The following UFD1 variants were observed in gnomAD, a reference collection of about 807,000 sequenced individuals.
UFD1 encodes the protein ubiquitin recognition factor in ER-associated degradation protein 1.
A neutral mutation model predicts 45.9 loss-of-function variants in UFD1; 13 were observed. That is an observed-to-expected ratio of 0.28 (90% CI 0.18 to 0.45). The LOEUF (loss-of-function observed/expected upper bound fraction) is 0.45. Ranked by LOEUF, UFD1 falls within the 20% of genes least tolerant of loss-of-function variation. The probability of loss-of-function intolerance (pLI) is 1.00; values close to 1 mark genes in which losing one functional copy is unlikely to be tolerated. For synonymous variants in UFD1, 128 were observed against 139.2 expected (o/e 0.92, Z 0.56); for missense variants, 218 against 389.2 (o/e 0.56, Z 3.70).
intron 6 of UFD1, among the ~76,000 whole-genome samples, chr22:19,462,495 G>A (rs748687019): frequency 2.6e-5 from 4 of 151,884 alleles, no homozygotes; most frequent in Non-Finnish European, 4.4e-5. Context: ...GTGAAACCTC[G>A]TCTCTACTAA....
chr22:19,469,817 C>A (rs977497464), intron 4 of UFD1: 4 of 459,370 alleles, frequency 8.7e-6, no homozygotes, highest in Non-Finnish European at 1.7e-5. Context: ...GGCTTCACAC[C>A]CCAAACCAGC....
At chr22:19,472,896 G>A (rs1179457233) in intron 3 of UFD1, among the ~76,000 whole-genome samples, 1 of 152,238 alleles carries the variant, frequency 6.6e-6, no homozygotes, top group East Asian at 1.9e-4. Context: ...TAGCTTGTTA[G>A]TTCAGACAAA....
chr22:19,459,608 CTG>C (rs767559230), intron 6 of UFD1, among the ~76,000 whole-genome samples: 35 of 152,166 alleles, frequency 2.3e-4, no homozygotes, highest in Middle Eastern at 3.4e-3. Flanking sequence ...GAGCGAGACT[CTG>C]TGTCAAAAAC....
chr22:19,464,926 A>C (rs2089791021), intron 6 of UFD1, among the ~76,000 whole-genome samples: 1 of 152,232 alleles, frequency 6.6e-6, no homozygotes, highest in Non-Finnish European at 1.5e-5. Flanking sequence ...CTTTCAAACC[A>C]AGACAGAACC....
chr22:19,460,085 C>T (rs1447728027), intron 6 of UFD1, among the ~76,000 whole-genome samples: 1 of 151,354 alleles, frequency 6.6e-6, no homozygotes, highest in African/African-American at 2.4e-5. Context: ...ATAGTCCCAC[C>T]ATTTAAAAAA....
rs753426162 is a variant in UFD1 at position 19,450,704 on chromosome 22, CCTT to C, written c.887_889del (p.Glu296del). Reference sequence around the variant, plus strand: ...TCTTCCCTTTTTACGCAATGACTGTCCTTCTCCAGAGAAAGCGACGAATCTGCC... The same window carrying C: ...TCTTCCCTTTTTACGCAATGACTGTCCTCCAGAGAAAGCGACGAATCTGCC... On this transcript the variant is annotated inframe_deletion, in exon 12 of 12. Coordinates refer to ENST00000263202, the MANE Select transcript of UFD1 (RefSeq NM_005659.7). 2.5e-6 allele frequency: 4 copies of C among 1,614,184 alleles called. No homozygotes were observed. The highest frequency in any genetic ancestry group is 1.6e-4 in the Middle Eastern group (1 of 6,062).
chr22:19,473,164 G>C (rs2089858065), intron 3 of UFD1, among the ~76,000 whole-genome samples: 1 of 152,210 alleles, frequency 6.6e-6, no homozygotes, highest in African/African-American at 2.4e-5. Context: ...CTGACATACA[G>C]CTGGTCCACA....
intron 11 of UFD1, chr22:19,454,322 C>A (rs1657039273): frequency 9.9e-7 from 1 of 1,009,080 alleles, no homozygotes. Context: ...CGTCCCCACC[C>A]AAATCTCATC....
intron 1 of UFD1, among the ~76,000 whole-genome samples, chr22:19,476,098 C>T (rs955662572): frequency 2.0e-5 from 3 of 152,062 alleles, no homozygotes; most frequent in Non-Finnish European, 4.4e-5. Context: ...CTCCAAGCAA[C>T]GGACACACAC....
Position 19,475,445 on chromosome 22 carries a change from T to C in UFD1, c.136+25A>G, listed in dbSNP as rs573403898. The C allele has an allele frequency of 2.5e-6, 4 of 1,613,150 alleles. No homozygotes were observed. The African/African-American group carries it at 5.3e-5, about 22-fold the overall frequency. ...GCAGACTTAGGGCAGGAAAAGTTAC[T>C]ATTCAAATAAAAACAAGCACATACT... On this transcript the variant is annotated intron_variant, in intron 2 of 11. Transcript: ENST00000263202.
intron 6 of UFD1, 131 bp from the exon 7 acceptor site, chr22:19,458,270 T>A (rs1339370980): frequency 1.1e-6 from 1 of 891,856 alleles, no homozygotes; most frequent in African/African-American, 1.6e-5. Flanking sequence ...AACCTACAGC[T>A]GCACTTCTTG....
chr22:19,454,567 T>C, intron 11 of UFD1, 182 bp downstream of exon 11: 1 of 1,318,708 alleles, frequency 7.6e-7, no homozygotes, highest in Admixed American at 2.6e-5. Flanking sequence ...TCCCCAGCCA[T>C]GTGAACTGTA....
At chr22:19,456,528 TG>T in intron 9 of UFD1, 58 bp downstream of exon 9, 2 of 1,607,814 alleles carry the variant, frequency 1.2e-6, no homozygotes, top group Non-Finnish European at 1.7e-6. Context: ...CTTGAGTGAG[TG>T]CTCTAATTTC....
chr22:19,471,431 C>G, intron 4 of UFD1: 1 of 728,542 alleles, frequency 1.4e-6, no homozygotes, highest in Non-Finnish European at 2.5e-6. Context: ...CACAGATGAA[C>G]AGTTCAGCTG....
intron 6 of UFD1, among the ~76,000 whole-genome samples, chr22:19,463,690 C>T (rs987906900): frequency 6.6e-6 from 1 of 152,230 alleles, no homozygotes; most frequent in African/African-American, 2.4e-5. Context: ...TGACTCAGAT[C>T]TCCCACTAGA....
At chr22:19,454,242 C>A in intron 11 of UFD1, 1 of 993,800 alleles carries the variant, frequency 1.0e-6, no homozygotes, top group South Asian at 4.5e-5. Context: ...CAGAAAAAAA[C>A]AGGACACCAG....
At chr22:19,471,249 C>T in intron 4 of UFD1, 1 of 516,854 alleles carries the variant, frequency 1.9e-6, no homozygotes, top group Admixed American at 2.0e-5. Context: ...ACTCCCATGG[C>T]AGCTCAGTTG....
intron 3 of UFD1, among the ~76,000 whole-genome samples, chr22:19,474,258 G>A (rs2089865503): frequency 6.6e-6 from 1 of 152,112 alleles, no homozygotes; most frequent in Admixed American, 6.6e-5. Flanking sequence ...AGAAACGGGG[G>A]TCTGGGCCGG....
At chr22:19,474,499 T>C (rs577241721) in intron 3 of UFD1, among the ~76,000 whole-genome samples, 2 of 152,206 alleles carry the variant, frequency 1.3e-5, no homozygotes, top group African/African-American at 2.4e-5. Flanking sequence ...TGAGCCAAGA[T>C]TGCGCCACTG....
Sources: allele counts gnomAD v4.1 joint callset (sites outside exome capture counted in the v4.1 genomes callset), GRCh38; gene constraint gnomAD v4.1.1; transcripts MANE v1.5; gene names NCBI Gene and HGNC (gene_info 2026-07-23, HGNC 2026-07-21).